CSMD1: variants seen among roughly 807,000 people sequenced by gnomAD.
The protein encoded by CSMD1 is CUB and Sushi multiple domains 1.
In CSMD1, 213 loss-of-function variants were observed where a neutral mutation model predicts 417.5. The ratio of observed to expected loss-of-function variants is 0.51; its 90% CI spans 0.46 to 0.57. The LOEUF (loss-of-function observed/expected upper bound fraction) is 0.57. CSMD1 is among the 20% of genes least tolerant of loss of function. The probability of loss-of-function intolerance (pLI) is 0.00; values close to 1 mark genes in which losing one functional copy is unlikely to be tolerated. For synonymous variants in CSMD1, 2,862 were observed against 1,736.8 expected, an observed-to-expected ratio of 1.65 and a Z score of -16.11; for missense variants, 6,923 against 4,529.7, an observed-to-expected ratio of 1.53 and a Z score of -15.17.
At chr8:4,053,179 T>C (rs993520349) in intron 3 of CSMD1, among the ~76,000 whole-genome samples, 1 of 152,154 alleles carries the variant, frequency 6.6e-6, no homozygotes, top group Non-Finnish European at 1.5e-5. Context: ...AGGTGCAAAT[T>C]TGAAGCCTGA....
intron 33 of CSMD1, 84 bp downstream of exon 33, chr8:3,199,630 T>C (rs757561769): frequency 1.0e-4 from 73 of 709,152 alleles, no homozygotes; most frequent in Non-Finnish European, 1.6e-4. Context: ...TGAGATGTTT[T>C]GAGTGCTTTG....
intron 26 of CSMD1, among the ~76,000 whole-genome samples, chr8:3,274,828 C>G (rs550249764): frequency 6.6e-6 from 1 of 151,996 alleles, no homozygotes; most frequent in Non-Finnish European, 1.5e-5. Context: ...GTGTCTGTAC[C>G]CGTGAGATGT....
intron 12 of CSMD1, among the ~76,000 whole-genome samples, chr8:3,431,788 T>A (rs1193745252): frequency 6.6e-6 from 1 of 152,210 alleles, no homozygotes; most frequent in East Asian, 1.9e-4. Context: ...TTTGCTCCTA[T>A]TTATTCATAA....
At chr8:4,597,253 C>A (rs1448204051) in intron 2 of CSMD1, among the ~76,000 whole-genome samples, 1 of 152,066 alleles carries the variant, frequency 6.6e-6, no homozygotes, top group South Asian at 2.1e-4. Context: ...TATATTATCC[C>A]ATGCCTTTGA....
At chr8:3,866,483 A>T (rs1049459063) in intron 5 of CSMD1, among the ~76,000 whole-genome samples, 2 of 152,154 alleles carry the variant, frequency 1.3e-5, no homozygotes, top group African/African-American at 4.8e-5. Context: ...TATTTTACAC[A>T]TTTCCTGTTG....
In CSMD1 at chr8:3,684,485, G is replaced by C. The variant is rs558292533; in HGVS notation, c.1009+23929C>G. Among the ~76,000 whole-genome samples the C allele has an allele frequency of 1.1e-3, 158 of 149,760 alleles. 3 individuals are homozygous for C. The highest frequency in any genetic ancestry group is 3.7e-3 in the African/African-American group (152 of 40,784). On this transcript the variant is annotated intron_variant, in intron 7 of 69. Transcript: ENST00000635120. Reference sequence around the variant, plus strand: ...GATATAGGTTTTGGGATTTTTCTTTGCTTGCTAATTATGAACATATATTTT... The same window carrying C: ...GATATAGGTTTTGGGATTTTTCTTTCCTTGCTAATTATGAACATATATTTT...
chr8:3,177,176 T>C (rs1043138493), intron 37 of CSMD1, among the ~76,000 whole-genome samples: 1 of 152,118 alleles, frequency 6.6e-6, no homozygotes, highest in Non-Finnish European at 1.5e-5. Context: ...CAGAAAAGAA[T>C]CATCAGCTTA....
chr8:3,640,712 G>T (rs11136648), intron 7 of CSMD1, among the ~76,000 whole-genome samples: 5 of 151,914 alleles, frequency 3.3e-5, no homozygotes, highest in African/African-American at 1.2e-4. Context: ...TAAACCAGTT[G>T]TGTAGAAACC....
intron 3 of CSMD1, among the ~76,000 whole-genome samples, chr8:4,185,316 C>G (rs1481340005): frequency 1.3e-5 from 2 of 151,976 alleles, no homozygotes; most frequent in African/African-American, 2.4e-5. Context: ...GGGACCCTGT[C>G]TTAAAAAGGG....
rs151128637 is a variant in CSMD1, at chr8:3,916,538, C to A, written c.818+81365G>T. ...ACTTAGGGATACGCCTAGGTTGAAA[C>A]ATTTAGTATCCGATTATGTATGAAG... On this transcript the variant is annotated intron_variant, in intron 5 of 69. Transcript: ENST00000635120. 3.0e-3 allele frequency among the ~76,000 whole-genome samples: 456 copies of A among 152,224 alleles called. 2 individuals carry two copies. Among genetic ancestry groups the A allele is most frequent in the Middle Eastern group, 6.8e-3 (2 of 294 alleles).
In CSMD1 at chr8:3,108,895, T is replaced by C; in HGVS notation, c.6609-147A>G. The C allele has an allele frequency of 5.0e-6, 4 of 806,092 alleles. No homozygotes were observed. In the East Asian group the frequency reaches 1.1e-4, roughly 22 times the overall value. The allele number at this position is 806,092 out of a possible 1,614,324, so 49.9% of individuals were successfully genotyped here. ...TACTGTGTTTGTAAACATCAAGATG[T>C]TGAATGTCCACAAAGTTGAGGAACC... On this transcript the variant is annotated intron_variant, in intron 43 of 69. Transcript: ENST00000635120.
intron 9 of CSMD1, among the ~76,000 whole-genome samples, chr8:3,579,187 A>C (rs2116962695): frequency 6.6e-6 from 1 of 152,320 alleles, no homozygotes; most frequent in African/African-American, 2.4e-5. Context: ...TGATAAATTG[A>C]AAATATAAAA....
intron 2 of CSMD1, among the ~76,000 whole-genome samples, chr8:4,572,022 C>T (rs1199946604): frequency 6.6e-6 from 1 of 151,924 alleles, no homozygotes; most frequent in Non-Finnish European, 1.5e-5. Context: ...TGTCTTCGCA[C>T]ATGAGTCTCC....
At chr8:4,680,914 C>A (rs995335260) in intron 1 of CSMD1, among the ~76,000 whole-genome samples, 3 of 151,458 alleles carry the variant, frequency 2.0e-5, no homozygotes, top group Non-Finnish European at 2.9e-5. Flanking sequence ...GATAAGCACA[C>A]ACACACACAC....
chr8:4,223,576 C>G (rs756982759), intron 3 of CSMD1, among the ~76,000 whole-genome samples: 2 of 152,236 alleles, frequency 1.3e-5, no homozygotes, highest in African/African-American at 4.8e-5. Flanking sequence ...ACCTGTGTCA[C>G]CTGAATGTTC....
At chr8:4,873,661 A>C (rs1585244687) in intron 1 of CSMD1, among the ~76,000 whole-genome samples, 1 of 152,280 alleles carries the variant, frequency 6.6e-6, no homozygotes, top group East Asian at 1.9e-4. Context: ...CCATCTATCC[A>C]TTCAGTAAAC....
intron 3 of CSMD1, among the ~76,000 whole-genome samples, chr8:4,073,932 T>C (rs968171131): frequency 6.6e-6 from 1 of 152,256 alleles, no homozygotes; most frequent in African/African-American, 2.4e-5. Flanking sequence ...TACAGACGGT[T>C]TTTGACGGTT....
intron 3 of CSMD1, among the ~76,000 whole-genome samples, chr8:4,396,675 A>C (rs1367135570): frequency 1.3e-5 from 2 of 151,784 alleles, no homozygotes; most frequent in Non-Finnish European, 2.9e-5. Context: ...ACACACACAC[A>C]CCCAATGGAA....
intron 10 of CSMD1, among the ~76,000 whole-genome samples, chr8:3,560,412 G>A (rs1322845917): frequency 6.6e-6 from 1 of 152,102 alleles, no homozygotes; most frequent in Admixed American, 6.6e-5. Flanking sequence ...TTTCTAAGAT[G>A]AAATAGCTGC....
Sources: allele counts gnomAD v4.1 joint callset (sites outside exome capture counted in the v4.1 genomes callset), GRCh38; gene constraint gnomAD v4.1.1; transcripts MANE v1.5; gene names NCBI Gene and HGNC (gene_info 2026-07-23, HGNC 2026-07-21).